The following C12orf42 variants were observed in gnomAD, a reference collection of about 807,000 sequenced individuals.
C12orf42 encodes chromosome 12 open reading frame 42.
In C12orf42, 25 loss-of-function variants were observed where a neutral mutation model predicts 21.6. The observed-to-expected ratio is 1.16, with a 90% confidence interval of 0.84 to 1.62. C12orf42 has a LOEUF of 1.62. Ranked by LOEUF, C12orf42 falls within the 40% of genes most tolerant of loss-of-function variation. The pLI, the probability that C12orf42 is intolerant of heterozygous loss-of-function variation, is 0.00. For missense variants in C12orf42, 483 were observed against 459.3 expected, an observed-to-expected ratio of 1.05 and a Z score of -0.47; for synonymous variants, 174 against 175.0, an observed-to-expected ratio of 0.99 and a Z score of 0.05.
chr12:103,389,423 G>A (rs1022336228), intron 3 of C12orf42, among the ~76,000 whole-genome samples: 5 of 152,174 alleles, frequency 3.3e-5, no homozygotes, highest in African/African-American at 1.2e-4. Context: ...CAAAGGAAAG[G>A]AGGAATAAAT....
the C12orf42 span, among the ~76,000 whole-genome samples, chr12:103,184,085 A>G: frequency 6.6e-6 from 1 of 152,212 alleles, no homozygotes; most frequent in Non-Finnish European, 1.5e-5. Flanking sequence ...TATGTTGTTT[A>G]GAGCTTCTAT....
intron 1 of C12orf42, among the ~76,000 whole-genome samples, chr12:103,495,473 C>T (rs1449872927): frequency 1.3e-5 from 2 of 151,730 alleles, no homozygotes; most frequent in Admixed American, 1.3e-4. Flanking sequence ...CGGCGGCGAG[C>T]CGGCCGGGTG....
chr12:103,291,209 AGCCT>A (rs939488017), intron 4 of C12orf42, among the ~76,000 whole-genome samples: 2 of 152,206 alleles, frequency 1.3e-5, no homozygotes, highest in Non-Finnish European at 2.9e-5. Context: ...AATTCTGGTC[AGCCT>A]GCCTAGGCTT....
At chr12:103,229,933 T>G in the C12orf42 span, among the ~76,000 whole-genome samples, 1 of 152,224 alleles carries the variant, frequency 6.6e-6, no homozygotes, top group Non-Finnish European at 1.5e-5. Flanking sequence ...AGTGAGAGTT[T>G]TGAGGCATAC....
At chr12:103,281,967 T>A (rs146374577) in intron 4 of C12orf42, among the ~76,000 whole-genome samples, 392 of 121,332 alleles carry the variant, frequency 3.2e-3, no homozygotes, top group African/African-American at 0.011. Flanking sequence ...AAGAAAGAGA[T>A]CGATCCTAAA....
At chr12:103,141,480 A>C in the C12orf42 span, among the ~76,000 whole-genome samples, 1 of 152,176 alleles carries the variant, frequency 6.6e-6, no homozygotes, top group African/African-American at 2.4e-5. Context: ...AAATTCACCA[A>C]AAAGTGAAAT....
chr12:103,449,004 T>C (rs1158684409), intron 2 of C12orf42, among the ~76,000 whole-genome samples: 1 of 152,016 alleles, frequency 6.6e-6, no homozygotes, highest in Non-Finnish European at 1.5e-5. Flanking sequence ...CACATGTTTA[T>C]AGCAGCACAA....
chr12:103,053,989 CT>C, the C12orf42 span, among the ~76,000 whole-genome samples: 1 of 151,858 alleles, frequency 6.6e-6, no homozygotes, highest in Non-Finnish European at 1.5e-5. Flanking sequence ...AGTTTGATTA[CT>C]GCACCTATGT....
chr12:103,275,834 A>G (rs1296745494), intron 5 of C12orf42, among the ~76,000 whole-genome samples: 1 of 151,664 alleles, frequency 6.6e-6, no homozygotes, highest in Non-Finnish European at 1.5e-5. Flanking sequence ...TCACACCTGT[A>G]ATCCCAGTGA....
chr12:103,234,527 T>G (rs1211780720), downstream of C12orf42, among the ~76,000 whole-genome samples: 1 of 152,178 alleles, frequency 6.6e-6, no homozygotes, highest in Non-Finnish European at 1.5e-5. Context: ...CCTACTCCAT[T>G]GGTACACAGC....
chr12:103,343,526 C>T (rs1458248891), intron 4 of C12orf42, among the ~76,000 whole-genome samples: 1 of 152,182 alleles, frequency 6.6e-6, no homozygotes, highest in East Asian at 1.9e-4. Context: ...CGCCTGTAAT[C>T]CCAGCACTTT....
chr12:103,069,587 G>C, the C12orf42 span, among the ~76,000 whole-genome samples: 1 of 152,158 alleles, frequency 6.6e-6, no homozygotes, highest in Non-Finnish European at 1.5e-5. Context: ...ATGGATAATT[G>C]AAGTATGGTT....
intron 4 of C12orf42, among the ~76,000 whole-genome samples, chr12:103,363,798 A>G (rs2044335107): frequency 6.6e-6 from 1 of 152,132 alleles, no homozygotes; most frequent in Non-Finnish European, 1.5e-5. Flanking sequence ...AAATATCACA[A>G]TCCTAAATAT....
At chr12:103,264,893 C>T (rs949028498), downstream of C12orf42, among the ~76,000 whole-genome samples, 3 of 151,952 alleles carry the variant, frequency 2.0e-5, no homozygotes, top group African/African-American at 7.3e-5. Context: ...TGAGAATGGC[C>T]CCAAGCAACA....
intron 10 of C12orf42, among the ~76,000 whole-genome samples, chr12:103,256,846 C>T (rs890043520): frequency 6.6e-6 from 1 of 152,116 alleles, no homozygotes; most frequent in African/African-American, 2.4e-5. Context: ...ATATTTTTAA[C>T]ATTACATAAA....
chr12:103,462,095 G>GTTTTTTTTTTTT (rs1565867930), intron 2 of C12orf42, among the ~76,000 whole-genome samples: 5 of 31,480 alleles, frequency 1.6e-4, no homozygotes, highest in Non-Finnish European at 2.8e-4. Context: ...TTTTTTGCTT[G>GTTTTTTTTTTTT]GTTTTTTTTT....
chr12:103,135,466 AAAAG>A, the C12orf42 span, among the ~76,000 whole-genome samples: 38 of 152,016 alleles, frequency 2.5e-4, 1 homozygote, highest in South Asian at 5.8e-3. Context: ...CAAAAAGAAA[AAAAG>A]AAAAAGAAAA....
the C12orf42 span, among the ~76,000 whole-genome samples, chr12:103,106,573 A>T: frequency 1.3e-5 from 2 of 152,020 alleles, no homozygotes; most frequent in Middle Eastern, 6.8e-3. Flanking sequence ...ATGTGGGGAT[A>T]TTGTTAAACT....
upstream of C12orf42, among the ~76,000 whole-genome samples, chr12:103,498,056 G>A (rs1206478097): frequency 1.3e-5 from 2 of 151,922 alleles, no homozygotes; most frequent in East Asian, 3.9e-4. Flanking sequence ...AGAAGAAAGA[G>A]AGAAAACTAT....
Sources: gnomAD v4.1 joint callset for allele counts (sites outside exome capture counted in the v4.1 genomes callset) on GRCh38, gnomAD v4.1.1 for gene constraint, MANE v1.5 for transcripts, NCBI Gene and HGNC (gene_info 2026-07-23, HGNC 2026-07-21) for gene names.